Variants in EIF2AK3 observed in about 807,000 individuals in gnomAD.
EIF2AK3 encodes eukaryotic translation initiation factor 2 alpha kinase 3.
In EIF2AK3, 50 loss-of-function variants were observed where a neutral mutation model predicts 113.5. The ratio of observed to expected loss-of-function variants is 0.44; its 90% confidence interval spans 0.35 to 0.56. EIF2AK3 has a LOEUF of 0.56. EIF2AK3 is among the 20% of genes least tolerant of loss of function. EIF2AK3 has a pLI of 0.00. For synonymous variants in EIF2AK3, 448 were observed against 495.4 expected, an observed-to-expected ratio of 0.90 and a Z score of 1.27; for missense variants, 1,185 against 1,378.0, an observed-to-expected ratio of 0.86 and a Z score of 2.22.
chr2:88,557,526 A>C lies in EIF2AK3; in HGVS notation c.*210T>G. The C allele has an allele frequency of 1.7e-6, 1 of 603,344 alleles. No homozygotes were observed. The highest frequency in any genetic ancestry group is 2.9e-5 in the East Asian group (1 of 34,794). The allele number at this position is 603,344 out of a possible 1,614,324, so 37.4% of individuals were successfully genotyped here. ...TTCAAGAGACTAACAAAGAACAAAG[A>C]TAGCCCTTTCCTTAAGTATAGCAAA... On this transcript the variant is annotated 3_prime_UTR_variant, in exon 17 of 17. Coordinates refer to ENST00000303236, the MANE Select transcript of EIF2AK3 (RefSeq NM_004836.7).
chr2:88,595,206 C>CA (rs11339424), intron 3 of EIF2AK3, among the ~76,000 whole-genome samples: 3,099 of 58,958 alleles, frequency 0.053, 97 homozygotes, highest in Middle Eastern at 0.073. Flanking sequence ...GACTCTGTCT[C>CA]AAAAAAAAAA....
intron 10 of EIF2AK3, 114 bp downstream of exon 10, chr2:88,583,316 G>T: frequency 2.7e-6 from 2 of 747,124 alleles, no homozygotes; most frequent in South Asian, 1.6e-5. Flanking sequence ...TATTTATTGA[G>T]GGTTAAGCCT....
chr2:88,566,782 C>T (rs1371280266), intron 14 of EIF2AK3, among the ~76,000 whole-genome samples: 1 of 151,924 alleles, frequency 6.6e-6, no homozygotes, highest in Non-Finnish European at 1.5e-5. Context: ...ACCTCATCTC[C>T]ACAAAAAACA....
rs371389672 is a variant in EIF2AK3 at position 88,579,637 on chromosome 2, A to G, written c.1767T>C (p.Tyr589=). Reference sequence around the variant, plus strand: ...ATTGAATTGGCTCAAAATCAGTTAGATATCTTTAAAAAGAGATAAAATTTA... The same window carrying G: ...ATTGAATTGGCTCAAAATCAGTTAGGTATCTTTAAAAAGAGATAAAATTTA... ...DIKNSGYISR[Y]LTDFEPIQCL... Residue 589 remains tyrosine (Y), a synonymous_variant, in exon 11 of 17, where the codon TAT becomes TAC. Transcript: ENST00000303236. The G allele has an allele frequency of 1.2e-6, 2 of 1,613,284 alleles. No individual in the cohort carries two copies. Among genetic ancestry groups the G allele is most frequent in the African/African-American group, 1.3e-5 (1 of 75,024 alleles).
chr2:88,619,732 T>C (rs918221838), intron 1 of EIF2AK3, among the ~76,000 whole-genome samples: 23 of 152,132 alleles, frequency 1.5e-4, no homozygotes, highest in Non-Finnish European at 2.9e-4. Context: ...GGCGGATGGA[T>C]CACCTGAGAT....
intron 13 of EIF2AK3, among the ~76,000 whole-genome samples, chr2:88,572,391 G>C (rs570042450): frequency 1.3e-5 from 2 of 152,280 alleles, no homozygotes; most frequent in South Asian, 4.1e-4. Context: ...AAACCCCACG[G>C]TTAGTGTGGA....
chr2:88,585,269 T>C (rs568363069), intron 9 of EIF2AK3, among the ~76,000 whole-genome samples: 2 of 152,050 alleles, frequency 1.3e-5, no homozygotes, highest in South Asian at 2.1e-4. Flanking sequence ...CGTGACTGCA[T>C]ACGGCAGTAC....
At chr2:88,600,499 T>C (rs1185337788) in intron 2 of EIF2AK3, among the ~76,000 whole-genome samples, 1 of 152,206 alleles carries the variant, frequency 6.6e-6, no homozygotes, top group Non-Finnish European at 1.5e-5. Context: ...CTTAAGTCAT[T>C]TTAAAAAGTC....
At chr2:88,597,328 A>G (rs947623333) in intron 2 of EIF2AK3, among the ~76,000 whole-genome samples, 5 of 152,204 alleles carry the variant, frequency 3.3e-5, no homozygotes, top group African/African-American at 1.2e-4. Context: ...TACAGTTCTT[A>G]ACTGGAAATT....
intron 2 of EIF2AK3, among the ~76,000 whole-genome samples, chr2:88,610,901 A>G (rs1048428168): frequency 6.6e-6 from 1 of 152,052 alleles, no homozygotes; most frequent in African/African-American, 2.4e-5. Context: ...CAAAAAAAAA[A>G]GTTAGCTGGG....
intron 1 of EIF2AK3, among the ~76,000 whole-genome samples, chr2:88,623,466 T>A (rs1383782349): frequency 1.3e-5 from 2 of 152,172 alleles, no homozygotes; most frequent in Non-Finnish European, 2.9e-5. Flanking sequence ...GAGAAAAGTA[T>A]CAATGAACTG....
chr2:88,583,484 C>T lies in EIF2AK3; in HGVS notation c.1709G>A (p.Gly570Asp). The change falls in exon 10 of 17, where the codon GGT becomes GAT. Residue 570 changes from glycine (G) to aspartate (D), a missense_variant. Physicochemically the swap from Gly to Asp is moderately conservative, Grantham distance 94. This residue lies in a region of EIF2AK3 where 877 missense variants were observed against 1,024.2 expected (regional missense o/e 0.86). Transcript: ENST00000303236. The part of the protein sequence containing the change: ...QTENKYDSVS[G>D]EANDSSWNDI... ...ATTCCAGCTACTGTCATTGGCTTCA[C>T]CACTTACAGAATCATATTTATTTTC... 1 of 1,613,224 alleles carries T rather than the reference C, an allele frequency of 6.2e-7. No individual in the cohort carries two copies. The highest frequency in any genetic ancestry group is 8.5e-7 in the Non-Finnish European group (1 of 1,179,666).
Position 88,575,158 on chromosome 2 carries a change from A to G in EIF2AK3, c.2325T>C (p.Thr775=). The G allele has an allele frequency of 6.2e-7, 1 of 1,613,948 alleles. No homozygotes were observed. Among genetic ancestry groups the G allele is most frequent in the Non-Finnish European group, 8.5e-7 (1 of 1,179,854 alleles). ...CLTDCDVEDG[T]MDGNDEGHSF... ...AGTGCCCCTCATCATTGCCATCCAT[A>G]GTCCCATCTTCCACATCACAGTCTG... Residue 775 remains threonine, a synonymous_variant, in exon 13 of 17, where the codon ACT becomes ACC. Coordinates refer to ENST00000303236, the MANE Select transcript of EIF2AK3 (RefSeq NM_004836.7).
intron 2 of EIF2AK3, among the ~76,000 whole-genome samples, chr2:88,606,205 T>C (rs1324981171): frequency 6.6e-6 from 1 of 152,044 alleles, no homozygotes; most frequent in East Asian, 1.9e-4. Context: ...CTCACAGTCA[T>C]GATAAAAGAA....
chr2:88,598,434 C>T (rs1017664284), intron 2 of EIF2AK3, among the ~76,000 whole-genome samples: 2 of 152,078 alleles, frequency 1.3e-5, no homozygotes, highest in Admixed American at 1.3e-4. Flanking sequence ...AAGTAAAAAT[C>T]ATCAATGAGA....
At chr2:88,626,053 C>T (rs1675849223) in intron 1 of EIF2AK3, among the ~76,000 whole-genome samples, 1 of 152,110 alleles carries the variant, frequency 6.6e-6, no homozygotes, top group African/African-American at 2.4e-5. Context: ...TTAATGCTCC[C>T]TTTAGCACTC....
At chr2:88,610,056 A>C (rs977160221) in intron 2 of EIF2AK3, among the ~76,000 whole-genome samples, 1 of 149,840 alleles carries the variant, frequency 6.7e-6, no homozygotes, top group Non-Finnish European at 1.5e-5. Flanking sequence ...CAGGAGTTGG[A>C]GGCTACTGTG....
intron 16 of EIF2AK3, 130 bp downstream of exon 16, chr2:88,558,787 G>GC (rs1673856231): frequency 1.4e-6 from 1 of 698,330 alleles, no homozygotes; most frequent in Non-Finnish European, 2.4e-6. Flanking sequence ...GCTCTTGGGA[G>GC]CAGGTCTCTT....
intron 1 of EIF2AK3, among the ~76,000 whole-genome samples, chr2:88,621,535 GT>G: frequency 6.6e-6 from 1 of 152,218 alleles, no homozygotes; most frequent in South Asian, 2.1e-4. Context: ...GGTTGAACCT[GT>G]TTTTTTGGCG....
Sources: allele counts gnomAD v4.1 joint callset (sites outside exome capture counted in the v4.1 genomes callset), GRCh38; gene constraint gnomAD v4.1.1; regional missense constraint gnomAD v4.1.1; transcripts MANE v1.5; gene names NCBI Gene and HGNC (gene_info 2026-07-23, HGNC 2026-07-21).